The following ADAMTSL2 variants were observed in gnomAD, a reference collection of about 807,000 sequenced individuals.
ADAMTSL2 encodes ADAMTS like 2, also known as ADAMTS-like protein 2.
Under a neutral mutation model 117.0 loss-of-function variants are expected in ADAMTSL2, and 55 were observed. The ratio of observed to expected loss-of-function variants is 0.47; its 90% CI spans 0.38 to 0.59. The LOEUF is 0.59. Ranked by LOEUF, ADAMTSL2 falls within the 20% of genes least tolerant of loss-of-function variation. The pLI is 0.00. For missense variants in ADAMTSL2, 1,182 were observed against 1,354.5 expected (o/e 0.87, Z 2.00); for synonymous variants, 572 against 566.4 (o/e 1.01, Z -0.14).
intron 7 of ADAMTSL2, among the ~76,000 whole-genome samples, chr9:133,543,441 G>A (rs551056298): frequency 1.3e-5 from 2 of 152,344 alleles, no homozygotes; most frequent in East Asian, 1.9e-4. Flanking sequence ...TGGCCACAGC[G>A]GGGGTGTTTA....
chr9:133,537,646 G>T (rs1830084522), intron 3 of ADAMTSL2, 99 bp downstream of exon 3: 4 of 1,241,636 alleles, frequency 3.2e-6, no homozygotes, highest in African/African-American at 3.1e-5. Context: ...TTCTCCCCCT[G>T]GGAGGGCTCT....
rs948167149 is a variant in ADAMTSL2, at chr9:133,568,237, G to C, written c.1875-36G>C. ...GTTGCATGGGGTCCCGGCTGCCATGGGGGGGATCATTGAAGGCCATCCGCT... is the reference window on the plus strand; with the variant it reads ...GTTGCATGGGGTCCCGGCTGCCATGCGGGGGATCATTGAAGGCCATCCGCT... On this transcript the variant is annotated intron_variant, in intron 13 of 18. Transcript: ENST00000651351. The C allele has an allele frequency of 9.7e-5, 149 of 1,542,644 alleles. No individual in the cohort carries two copies. In the African/African-American group the frequency reaches 1.5e-3, roughly 15 times the overall value.
intron 3 of ADAMTSL2, 111 bp downstream of exon 3, chr9:133,537,658 G>T: frequency 8.4e-7 from 1 of 1,195,540 alleles, no homozygotes; most frequent in Non-Finnish European, 1.1e-6. Context: ...GAGGGCTCTC[G>T]GGTTGGGGGC....
In ADAMTSL2 at chr9:133,554,602, G is replaced by T. The variant is rs1410389656; in HGVS notation, c.1185G>T (p.Leu395=). ...GCCACCCGGGCCTGGACATGGAGCT[G>T]GGCCCCAGCCAGGGCCAGGAGACCA... ...LFGHPGLDME[L]GPSQGQETNE... The change falls in exon 10 of 19, where the codon CTG becomes CTT. Residue 395 remains leucine (L), a synonymous_variant. Transcript: ENST00000651351. The surrounding 1 kb of genome is among the most constrained non-coding windows in gnomAD (Gnocchi z 5.2). 3.2e-6 allele frequency: 5 copies of T among 1,547,942 alleles called. No homozygotes were observed. The African/African-American group carries it at 6.8e-5, about 21-fold the overall frequency.
At chr9:133,536,861 C>G (rs1445955986) in intron 2 of ADAMTSL2, 59 bp downstream of exon 2, 1 of 1,612,052 alleles carries the variant, frequency 6.2e-7, no homozygotes, top group African/African-American at 1.3e-5. Context: ...GTGCTGTGAT[C>G]ACTCTCAGAT....
At chr9:133,542,210 G>A (rs1830240880) in intron 7 of ADAMTSL2, among the ~76,000 whole-genome samples, 1 of 152,236 alleles carries the variant, frequency 6.6e-6, no homozygotes, top group African/African-American at 2.4e-5. Flanking sequence ...GGTGGGGCTT[G>A]GACATGGGAC....
At chr9:133,563,268 C>A (rs1588301332) in intron 12 of ADAMTSL2, among the ~76,000 whole-genome samples, 1 of 152,228 alleles carries the variant, frequency 6.6e-6, no homozygotes, top group East Asian at 1.9e-4. Context: ...GAGCAGCTGG[C>A]CTTGGAAGTG....
At position 133,555,755 on chromosome 9, in the gene ADAMTSL2, G is replaced by T. The variant is rs1830591982; in HGVS notation, c.1474G>T (p.Ala492Ser). The change falls in exon 11 of 19, where the codon GCC becomes TCC. Residue 492 changes from alanine (A) to serine (S), a missense_variant. Coordinates refer to ENST00000651351, the MANE Select transcript of ADAMTSL2 (RefSeq NM_014694.4). ...ACAGGGCGCCCCAAGGAGCTCCCTG[G>T]CCGAGAGCTTCTTCGTGGATTATGA... ...FAQGAPRSSLAESFFVDYEEN... is the reference protein window; with the variant it reads ...FAQGAPRSSLSESFFVDYEEN... 6.2e-7 allele frequency: 1 copy of T among 1,613,934 alleles called. No individual in the cohort carries two copies. The highest frequency in any genetic ancestry group is 8.5e-7 in the Non-Finnish European group (1 of 1,180,052).
rs544658098 is a variant in ADAMTSL2 at position 133,572,283 on chromosome 9, C to T, written c.2593-1560C>T. Among the ~76,000 whole-genome samples the T allele has an allele frequency of 4.6e-5, 7 of 151,982 alleles. No individual in the cohort carries two copies. In the South Asian group the frequency reaches 1.0e-3, roughly 23 times the overall value. ...TCATTCCCTGTTGCCCACCAAAGGA[C>T]CCCCGAGTGAGGAGGGGAAAGGCTG... On this transcript the variant is annotated intron_variant, in intron 17 of 18. Transcript: ENST00000651351.
chr9:133,574,722 C>A lies in ADAMTSL2; in HGVS notation c.2738-24C>A, dbSNP rs1831188008. The A allele has an allele frequency of 1.9e-6, 3 of 1,606,526 alleles. No individual in the cohort carries two copies. The Admixed American group carries it at 5.0e-5, about 27-fold the overall frequency. On this transcript the variant is annotated intron_variant, in intron 18 of 18. Transcript: ENST00000651351. ...TTGGCCACCTCCTGAAACTGCCCTGCTTCGCTCTGTGTTCCTTCTCCAGAT... is the reference window on the plus strand; with the variant it reads ...TTGGCCACCTCCTGAAACTGCCCTGATTCGCTCTGTGTTCCTTCTCCAGAT...
chr9:133,539,748 C>CT, intron 4 of ADAMTSL2, 23 bp from the exon 5 acceptor site: 1 of 1,285,698 alleles, frequency 7.8e-7, no homozygotes, highest in Non-Finnish European at 9.9e-7. Flanking sequence ...CTCCCGGAGC[C>CT]TCCCTGTCCC....
chr9:133,535,078 G>A (rs1208251243), intron 1 of ADAMTSL2, among the ~76,000 whole-genome samples, 161 bp downstream of exon 1: 1 of 152,180 alleles, frequency 6.6e-6, no homozygotes, highest in East Asian at 1.9e-4. Flanking sequence ...CACGGGGCAG[G>A]GTGGCCTCCC....
In ADAMTSL2 at chr9:133,570,408, G is replaced by A. The variant is rs1405684949; in HGVS notation, c.2493G>A (p.Thr831=). Reference sequence around the variant, plus strand: ...AGCTGGCCAACGGGAAGCCGCAGACGCGCAGTGGCCCCGAGTGCGGGCTCG... The same window carrying A: ...AGCTGGCCAACGGGAAGCCGCAGACACGCAGTGGCCCCGAGTGCGGGCTCG... ...CMELANGKPQ[T]RSGPECGLAK... Residue 831 remains threonine (T), a synonymous_variant, in exon 17 of 19, where the codon ACG becomes ACA. Coordinates refer to ENST00000651351, the MANE Select transcript of ADAMTSL2 (RefSeq NM_014694.4). The A allele has an allele frequency of 1.1e-5, 17 of 1,591,190 alleles. No individual in the cohort carries two copies. The Admixed American group carries it at 1.4e-4, about 13-fold the overall frequency.
chr9:133,568,334 G>A lies in ADAMTSL2; in HGVS notation c.1936G>A (p.Val646Ile), dbSNP rs1831024149. 3.8e-6 allele frequency: 6 copies of A among 1,586,554 alleles called. No homozygotes were observed. Among genetic ancestry groups the A allele is most frequent in the East Asian group, 2.3e-5 (1 of 43,362 alleles). ...CTGCGGAGAGGGCTACCAGTTCCGC[G>A]TCGTGCGCTGCTGGAAGATGCTCTC... Reference protein sequence around the residue: ...RTCGEGYQFRVVRCWKMLSPG... With the variant: ...RTCGEGYQFRIVRCWKMLSPG... The change falls in exon 14 of 19, where the codon GTC becomes ATC. Residue 646 changes from valine (V) to isoleucine (I), a missense_variant. Physicochemically the swap from Val to Ile is conservative, Grantham distance 29. Transcript: ENST00000651351.
In ADAMTSL2 at chr9:133,550,722, G is replaced by A. The variant is rs566966620; in HGVS notation, c.939+3509G>A. Reference sequence around the variant, plus strand: ...AGGAGCGGAAGGAGCTATGGTGGCTGTGGTGAGTGAGAAGCCGTGTGCTGG... The same window carrying A: ...AGGAGCGGAAGGAGCTATGGTGGCTATGGTGAGTGAGAAGCCGTGTGCTGG... On this transcript the variant is annotated intron_variant, in intron 9 of 18. Coordinates refer to ENST00000651351, the MANE Select transcript of ADAMTSL2 (RefSeq NM_014694.4). Among the ~76,000 whole-genome samples the A allele has an allele frequency of 2.0e-5, 3 of 152,260 alleles. No homozygotes were observed. In the South Asian group the frequency reaches 6.2e-4, roughly 32 times the overall value.
chr9:133,566,987 A>C lies in ADAMTSL2; in HGVS notation c.1799A>C (p.Asp600Ala). The stretch of plus-strand genomic sequence containing the variant: ...GTCCGCTATGATGGCGTCGAGGTGG[A>C]TGACAGCTACTGTGACGCCCTGACC... ...MCVRYDGVEV[D>A]DSYCDALTRP... Residue 600 changes from aspartate (D) to alanine (A), a missense_variant, in exon 13 of 19, where the codon GAT (aspartate) becomes GCT (alanine). By Grantham distance (126) the Asp-to-Ala change is moderately radical (BLOSUM62 -2). Transcript: ENST00000651351. 1 of 1,611,608 alleles carries C rather than the reference A, an allele frequency of 6.2e-7. No individual in the cohort carries two copies. Among genetic ancestry groups the C allele is most frequent in the South Asian group, 1.1e-5 (1 of 90,452 alleles).
At position 133,544,105 on chromosome 9, in the gene ADAMTSL2, C is replaced by T. The variant is rs773690673; in HGVS notation, c.683-365C>T. 5.9e-5 allele frequency among the ~76,000 whole-genome samples: 9 copies of T among 152,244 alleles called. No individual in the cohort carries two copies. In the South Asian group the frequency reaches 6.2e-4, roughly 10 times the overall value. On this transcript the variant is annotated intron_variant, in intron 7 of 18. Transcript: ENST00000651351. ...ATTTTAAAATGGCAGTGACAATGCA[C>T]GCAGGGAGCTGGGGCTCCATCGGCT...
At chr9:133,551,224 A>G (rs1269370143) in intron 9 of ADAMTSL2, among the ~76,000 whole-genome samples, 1 of 151,426 alleles carries the variant, frequency 6.6e-6, no homozygotes, top group East Asian at 1.9e-4. Flanking sequence ...TTCAGCTTGC[A>G]CCCTCAGGGC....
rs1364565602 is a variant in ADAMTSL2, at chr9:133,569,413, T to A, written c.2250T>A (p.Ser750Arg). The A allele has an allele frequency of 1.9e-6, 3 of 1,613,216 alleles. No homozygotes were observed. In the African/African-American group the frequency reaches 4.0e-5, roughly 22 times the overall value. ...GCCTGTCCTCTCCCCTGCAGTGCAG[T>A]GGAAGCTGCGGGCAAGGCCGCACCA... ...QWTVSDWGPC[S>R]GSCGQGRTIR... The change falls in exon 16 of 19, where the codon AGT (serine) becomes AGA (arginine). Residue 750 changes from serine to arginine, a missense_variant. Physicochemically the swap from Ser to Arg is moderately radical, Grantham distance 110. Transcript: ENST00000651351.
Sources: allele counts gnomAD v4.1 joint callset (sites outside exome capture counted in the v4.1 genomes callset), GRCh38; gene constraint gnomAD v4.1.1; non-coding constraint Gnocchi (gnomAD v3.1); transcripts MANE v1.5; gene names NCBI Gene and HGNC (gene_info 2026-07-23, HGNC 2026-07-21).